Variants in TRPM6 observed in about 807,000 individuals in gnomAD.
TRPM6 encodes channel kinase 2.
Under a neutral mutation model 247.6 loss-of-function variants are expected in TRPM6, and 111 were observed. That is an observed-to-expected ratio of 0.45 (90% CI 0.38 to 0.52). TRPM6 has a LOEUF of 0.52. Ranked by LOEUF, TRPM6 falls within the 20% of genes least tolerant of loss-of-function variation. The probability of loss-of-function intolerance (pLI) is 0.00; values close to 1 mark genes in which losing one functional copy is unlikely to be tolerated. For missense variants in TRPM6, 2,126 were observed against 2,421.5 expected, an observed-to-expected ratio of 0.88 and a Z score of 2.56; for synonymous variants, 892 against 853.8, an observed-to-expected ratio of 1.04 and a Z score of -0.78.
chr9:74,730,364 A>G (rs2118690119), intron 37 of TRPM6, among the ~76,000 whole-genome samples: 1 of 152,326 alleles, frequency 6.6e-6, no homozygotes, highest in South Asian at 2.1e-4. Context: ...TAAGCATTAG[A>G]AACAATATGA....
At chr9:74,738,688 C>T (rs1825769286) in intron 35 of TRPM6, 76 bp from the exon 36 acceptor site, 6 of 1,285,946 alleles carry the variant, frequency 4.7e-6, no homozygotes, top group Non-Finnish European at 6.7e-6. Context: ...CAGTCATCAG[C>T]AGGGAAGATT....
intron 23 of TRPM6, among the ~76,000 whole-genome samples, chr9:74,776,990 G>A (rs943145572): frequency 1.3e-5 from 2 of 152,124 alleles, no homozygotes; most frequent in African/African-American, 4.8e-5. Flanking sequence ...TAAAGAAAAG[G>A]AACCAGGATT....
intron 38 of TRPM6, among the ~76,000 whole-genome samples, chr9:74,727,152 G>T (rs1825357958): frequency 6.6e-6 from 1 of 152,036 alleles, no homozygotes; most frequent in South Asian, 2.1e-4. Context: ...GGAGGCCGAG[G>T]TGGGTGGATC....
Position 74,776,030 on chromosome 9 carries a change from A to G in TRPM6, c.3256T>C (p.Tyr1086His). The change falls in exon 24 of 39, where the codon TAC becomes CAC. Residue 1086 changes from tyrosine (Y) to histidine (H), a missense_variant. Around this residue, in one of 3 missense-constraint regions of TRPM6, gnomAD observed 717 missense variants for 715.9 expected, o/e 1.00. Coordinates refer to ENST00000360774, the MANE Select transcript of TRPM6 (RefSeq NM_017662.5). The stretch of plus-strand genomic sequence containing the variant: ...GTCATGATGTAGCGATAGCGGTTGT[A>G]TTTCCACAGGTTATTTGAAATGGAT... ...MESISNNLWK[Y>H]NRYRYIMTYH... 2 of 1,614,108 alleles carry G rather than the reference A, an allele frequency of 1.2e-6. No homozygotes were observed. Among genetic ancestry groups the G allele is most frequent in the Non-Finnish European group, 1.7e-6 (2 of 1,180,014 alleles).
intron 3 of TRPM6, among the ~76,000 whole-genome samples, chr9:74,851,275 A>AG (rs1277773776): frequency 6.6e-6 from 1 of 152,070 alleles, no homozygotes; most frequent in East Asian, 1.9e-4. Context: ...CAATTCCAGG[A>AG]GGGGGGTTAA....
At chr9:74,787,930 T>C (rs555584058) in intron 20 of TRPM6, among the ~76,000 whole-genome samples, 1 of 152,256 alleles carries the variant, frequency 6.6e-6, no homozygotes, top group African/African-American at 2.4e-5. Flanking sequence ...TTAGCCAAGA[T>C]GGTCTCGATC....
chr9:74,791,719 T>C lies in TRPM6; in HGVS notation c.2538+905A>G, dbSNP rs143611464. 1.1e-4 allele frequency among the ~76,000 whole-genome samples: 17 copies of C among 152,300 alleles called. No individual in the cohort carries two copies. In the East Asian group the frequency reaches 3.1e-3, roughly 28 times the overall value. On this transcript the variant is annotated intron_variant, in intron 19 of 38. Coordinates refer to ENST00000360774, the MANE Select transcript of TRPM6 (RefSeq NM_017662.5). ...AAACACTTGCATCATTTTCTACCTA[T>C]ATAACACATTCCTACAAACAAAAAG... is the stretch of plus-strand genomic sequence containing the variant.
Position 74,821,749 on chromosome 9 carries a change from C to T in TRPM6, c.930G>A (p.Lys310=), listed in dbSNP as rs528141162. 2.5e-6 allele frequency: 4 copies of T among 1,614,096 alleles called. No individual in the cohort carries two copies. The highest frequency in any genetic ancestry group is 2.2e-5 in the South Asian group (2 of 91,088). The change falls in exon 8 of 39, where the codon AAG becomes AAA. Residue 310 remains lysine (K), a synonymous_variant. Transcript: ENST00000360774. ...ILSVWETVKD[K]DPVVVCEGTG... ...TGCCCTCACACACCACCACTGGGTC[C>T]TTGTCCTTGACAGTCTCCCACACTG...
chr9:74,855,062 T>C (rs1004227551), intron 3 of TRPM6, among the ~76,000 whole-genome samples: 3 of 151,754 alleles, frequency 2.0e-5, no homozygotes, highest in African/African-American at 4.9e-5. Context: ...TTAAGAAAAT[T>C]TCATTTCCTT....
intron 5 of TRPM6, among the ~76,000 whole-genome samples, chr9:74,836,257 T>C (rs1829717732): frequency 1.3e-5 from 2 of 152,198 alleles, no homozygotes; most frequent in Admixed American, 1.3e-4. Context: ...GATCTGACCT[T>C]TAAATCACAA....
At chr9:74,820,225 T>A (rs1422914580) in intron 9 of TRPM6, 79 bp downstream of exon 9, 16 of 1,512,378 alleles carry the variant, frequency 1.1e-5, no homozygotes, top group Non-Finnish European at 1.3e-5. Flanking sequence ...TGTTTTTTTT[T>A]AATTGTGAAA....
chr9:74,757,791 T>C (rs1171736786), intron 27 of TRPM6, among the ~76,000 whole-genome samples: 1 of 152,000 alleles, frequency 6.6e-6, no homozygotes, highest in African/African-American at 2.4e-5. Context: ...TGGGCACCTG[T>C]AATCCCAGCT....
At chr9:74,780,032 T>C (rs1023355700) in intron 23 of TRPM6, among the ~76,000 whole-genome samples, 1 of 151,046 alleles carries the variant, frequency 6.6e-6, no homozygotes, top group Non-Finnish European at 1.5e-5. Context: ...ATTAGCCGGG[T>C]GTGGTGGCAT....
chr9:74,816,793 C>T (rs186934023), intron 10 of TRPM6, 24 bp from the exon 11 acceptor site: 2 of 1,611,074 alleles, frequency 1.2e-6, no homozygotes, highest in East Asian at 4.5e-5. Flanking sequence ...AAGGAACAAT[C>T]ATATATTCTT....
intron 30 of TRPM6, among the ~76,000 whole-genome samples, chr9:74,749,807 T>C (rs999616792): frequency 6.6e-6 from 1 of 152,196 alleles, no homozygotes; most frequent in Non-Finnish European, 1.5e-5. Flanking sequence ...AAGTCATGTG[T>C]CCTTTAAGTC....
chr9:74,791,037 G>A (rs1370069208), intron 19 of TRPM6, among the ~76,000 whole-genome samples: 1 of 152,142 alleles, frequency 6.6e-6, no homozygotes, highest in Non-Finnish European at 1.5e-5. Flanking sequence ...GGGCAGATCT[G>A]GCTGGTTTTG....
At chr9:74,739,522 C>A in intron 34 of TRPM6, 73 bp from the exon 35 acceptor site, 1 of 1,542,658 alleles carries the variant, frequency 6.5e-7, no homozygotes, top group Non-Finnish European at 9.0e-7. Context: ...TTACTATAGG[C>A]TACCCCAATG....
At chr9:74,728,406 T>C (rs1164408490) in intron 37 of TRPM6, 61 bp from the exon 38 acceptor site, 2 of 1,186,622 alleles carry the variant, frequency 1.7e-6, no homozygotes, top group Non-Finnish European at 2.5e-6. Flanking sequence ...TCAACTAGGA[T>C]TCTCCGAGAT....
At chr9:74,819,779 T>C (rs1829077485) in intron 9 of TRPM6, among the ~76,000 whole-genome samples, 1 of 152,140 alleles carries the variant, frequency 6.6e-6, no homozygotes, top group Non-Finnish European at 1.5e-5. Flanking sequence ...CCTCTGAAAA[T>C]ACTTCTGTGT....
Sources: allele counts gnomAD v4.1 joint callset (sites outside exome capture counted in the v4.1 genomes callset), GRCh38; gene constraint gnomAD v4.1.1; regional missense constraint gnomAD v4.1.1; transcripts MANE v1.5; gene names NCBI Gene and HGNC (gene_info 2026-07-23, HGNC 2026-07-21).